The following PROS1 variants were observed in gnomAD, a reference collection of about 807,000 sequenced individuals.
PROS1 encodes protein S.
Under a neutral mutation model 75.9 loss-of-function variants are expected in PROS1, and 29 were observed. The ratio of observed to expected loss-of-function variants is 0.38; its 90% CI spans 0.28 to 0.52. The LOEUF (loss-of-function observed/expected upper bound fraction) is 0.52. Ranked by LOEUF, PROS1 falls within the 20% of genes least tolerant of loss-of-function variation. The pLI is 0.83. For synonymous variants in PROS1, 245 were observed against 280.6 expected (o/e 0.87, Z 1.27); for missense variants, 680 against 810.3 (o/e 0.84, Z 1.95).
intron 3 of PROS1, among the ~76,000 whole-genome samples, chr3:93,913,704 T>C (rs942857366): frequency 7.2e-5 from 11 of 152,212 alleles, no homozygotes; most frequent in African/African-American, 2.7e-4. Context: ...TGGGTATGTC[T>C]TTATAATAGA....
intron 1 of PROS1, 43 bp downstream of exon 1, chr3:93,973,631 G>C: frequency 1.3e-6 from 2 of 1,596,066 alleles, no homozygotes; most frequent in Non-Finnish European, 1.7e-6. Flanking sequence ...CAGTTCAGTC[G>C]ACAATGCTGG....
intron 12 of PROS1, 140 bp downstream of exon 12, chr3:93,884,588 A>G: frequency 2.0e-6 from 2 of 978,268 alleles, no homozygotes; most frequent in Non-Finnish European, 3.0e-6. Flanking sequence ...TAAAAGGTAT[A>G]TAATAGTATG....
intron 9 of PROS1, among the ~76,000 whole-genome samples, chr3:93,893,525 T>C (rs8178641): frequency 0.017 from 2,646 of 152,270 alleles, 70 homozygotes; most frequent in African/African-American, 0.058. Flanking sequence ...TGGTAGTTTT[T>C]TTTGTTGTTG....
chr3:93,879,609 C>T (rs1480449045), intron 12 of PROS1, among the ~76,000 whole-genome samples: 1 of 152,182 alleles, frequency 6.6e-6, no homozygotes. Flanking sequence ...GTGCTTCCTT[C>T]TCCCTTGCAC....
intron 1 of PROS1, among the ~76,000 whole-genome samples, chr3:93,949,864 T>C (rs1345788590): frequency 6.6e-6 from 1 of 152,096 alleles, no homozygotes; most frequent in African/African-American, 2.4e-5. Context: ...CCACAGAGTG[T>C]GAGCCAAAGC....
chr3:93,937,424 G>C (rs1181465370), intron 1 of PROS1, among the ~76,000 whole-genome samples: 2 of 149,054 alleles, frequency 1.3e-5, no homozygotes. Context: ...CTGGAGTGCA[G>C]TGGCATGATC....
At chr3:93,905,726 C>T in intron 6 of PROS1, 58 bp downstream of exon 6, 1 of 1,574,918 alleles carries the variant, frequency 6.3e-7, no homozygotes, top group Middle Eastern at 1.7e-4. Context: ...TAAAATTTCT[C>T]TAACTGGGAT....
At chr3:93,901,541 T>G (rs1343307513) in intron 6 of PROS1, among the ~76,000 whole-genome samples, 1 of 152,156 alleles carries the variant, frequency 6.6e-6, no homozygotes, top group East Asian at 1.9e-4. Flanking sequence ...TGAGCACCTG[T>G]GAAGAAAACA....
At chr3:93,893,999 A>G (rs1487318351) in intron 9 of PROS1, among the ~76,000 whole-genome samples, 1 of 152,156 alleles carries the variant, frequency 6.6e-6, no homozygotes, top group African/African-American at 2.4e-5. Context: ...ATCAGCATTG[A>G]AGTTTCCAAG....
At chr3:93,949,125 G>A (rs191398276) in intron 1 of PROS1, among the ~76,000 whole-genome samples, 42 of 152,288 alleles carry the variant, frequency 2.8e-4, no homozygotes, top group Non-Finnish European at 4.0e-4. Context: ...AGAATACATC[G>A]CTGCTGTCCT....
At chr3:93,952,253 A>T (rs1201174819) in intron 1 of PROS1, among the ~76,000 whole-genome samples, 1 of 152,174 alleles carries the variant, frequency 6.6e-6, no homozygotes, top group Non-Finnish European at 1.5e-5. Flanking sequence ...AGAACTCTCC[A>T]CCCCAAATCA....
rs1166124654 is a variant in PROS1 at position 93,900,825 on chromosome 3, G to T, written c.706C>A (p.Leu236Ile). 3.1e-6 allele frequency: 5 copies of T among 1,613,246 alleles called. No homozygotes were observed. Among genetic ancestry groups the T allele is most frequent in the Non-Finnish European group, 4.2e-6 (5 of 1,179,912 alleles). The change falls in exon 7 of 15, where the codon CTC (leucine) becomes ATC (isoleucine). Residue 236 changes from leucine (L) to isoleucine (I), a missense_variant. Transcript: ENST00000394236. ...CTACCTTCACAAGACTTTGATTTGA[G>T]ATTATATCTGTAGCCTTCGGGGCAT... ...CECPEGYRYN[L>I]KSKSCEDIDE...
At chr3:93,923,889 A>G (rs992716372) in intron 3 of PROS1, among the ~76,000 whole-genome samples, 1 of 151,058 alleles carries the variant, frequency 6.6e-6, no homozygotes, top group Non-Finnish European at 1.5e-5. Flanking sequence ...GTGACACAGC[A>G]AGGCGCTGCC....
chr3:93,946,045 G>C lies in PROS1; in HGVS notation c.77-18638C>G, dbSNP rs188162327. Among the ~76,000 whole-genome samples the C allele has an allele frequency of 1.3e-3, 198 of 152,162 alleles. 2 individuals are homozygous for C. Among genetic ancestry groups the C allele is most frequent in the East Asian group, 0.012 (60 of 5,168 alleles). On this transcript the variant is annotated intron_variant, in intron 1 of 14. Transcript: ENST00000394236. ...CAGAGAGCCAAATCATGAGTGAACC[G>C]CCATTCACAATTGCTTCAAAGAGAA...
chr3:93,973,771 G>A lies in PROS1; in HGVS notation c.-22C>T, dbSNP rs757542202. On this transcript the variant is annotated 5_prime_UTR_variant, in exon 1 of 15. Transcript: ENST00000394236. ...TCATTTCGAAGCGCGCGGAGGCGCCGGCAGGGACGGTGGCGCGTCGCGGCG... is the reference window on the plus strand; with the variant it reads ...TCATTTCGAAGCGCGCGGAGGCGCCAGCAGGGACGGTGGCGCGTCGCGGCG... The A allele has an allele frequency of 9.4e-6, 15 of 1,602,656 alleles. No homozygotes were observed. In the East Asian group the frequency reaches 3.1e-4, roughly 34 times the overall value.
At chr3:93,918,389 C>G (rs1708891879) in intron 3 of PROS1, among the ~76,000 whole-genome samples, 1 of 152,046 alleles carries the variant, frequency 6.6e-6, no homozygotes, top group Non-Finnish European at 1.5e-5. Context: ...TCCCCTTCCA[C>G]ACTGTGGAAG....
intron 3 of PROS1, among the ~76,000 whole-genome samples, chr3:93,922,150 G>A (rs1375560616): frequency 6.6e-6 from 1 of 152,058 alleles, no homozygotes; most frequent in Non-Finnish European, 1.5e-5. Context: ...GAATCTTATT[G>A]TTTCTTTAGA....
intron 1 of PROS1, among the ~76,000 whole-genome samples, chr3:93,972,365 A>G (rs1205883971): frequency 6.6e-6 from 1 of 152,242 alleles, no homozygotes; most frequent in Non-Finnish European, 1.5e-5. Context: ...TTTTTAAAGT[A>G]CTGCATTCAT....
chr3:93,896,207 T>C (rs1436425557), intron 9 of PROS1, among the ~76,000 whole-genome samples: 1 of 152,176 alleles, frequency 6.6e-6, no homozygotes, highest in Non-Finnish European at 1.5e-5. Context: ...CTAAAAGCAA[T>C]ACTGAGTATT....
Sources: allele counts gnomAD v4.1 joint callset (sites outside exome capture counted in the v4.1 genomes callset), GRCh38; gene constraint gnomAD v4.1.1; transcripts MANE v1.5; gene names NCBI Gene and HGNC (gene_info 2026-07-23, HGNC 2026-07-21).